The following DISP1 variants were observed in gnomAD, a reference collection of about 807,000 sequenced individuals.
DISP1 encodes the protein dispatched RND transporter family member 1, also known as protein dispatched homolog 1.
Under a neutral mutation model 37.3 loss-of-function variants are expected in DISP1, and 30 were observed. The ratio of observed to expected loss-of-function variants is 0.80; its 90% CI spans 0.60 to 1.09. The LOEUF is 1.09. Ranked by LOEUF, DISP1 falls within the 50% of genes least tolerant of loss-of-function variation. The pLI, the probability that DISP1 is intolerant of heterozygous loss-of-function variation, is 0.00. For synonymous variants in DISP1, 634 were observed against 690.2 expected (o/e 0.92, Z 1.28); for missense variants, 1,598 against 1,879.5 (o/e 0.85, Z 2.77).
At chr1:222,868,855 A>G (rs956408599) in intron 1 of DISP1, among the ~76,000 whole-genome samples, 1 of 152,160 alleles carries the variant, frequency 6.6e-6, no homozygotes, top group African/African-American at 2.4e-5. Flanking sequence ...TAATGTTAAA[A>G]ATTTCATTTA....
chr1:222,867,681 C>T (rs1255744889), intron 1 of DISP1, among the ~76,000 whole-genome samples: 1 of 152,166 alleles, frequency 6.6e-6, no homozygotes, highest in Non-Finnish European at 1.5e-5. Context: ...GTCAATGTCA[C>T]ATCAATAGTT....
chr1:222,855,342 G>C (rs556980795), intron 1 of DISP1, among the ~76,000 whole-genome samples: 2 of 152,228 alleles, frequency 1.3e-5, no homozygotes, highest in African/African-American at 4.8e-5. Flanking sequence ...TGTTAGAAAA[G>C]AAAGATTTAA....
At chr1:222,906,798 G>A (rs902953221) in intron 1 of DISP1, among the ~76,000 whole-genome samples, 4 of 152,226 alleles carry the variant, frequency 2.6e-5, no homozygotes, top group Non-Finnish European at 5.9e-5. Flanking sequence ...GCCATTCTTT[G>A]ATTCCTTAAT....
intron 1 of DISP1, among the ~76,000 whole-genome samples, chr1:222,875,017 A>G (rs1320077565): frequency 6.6e-6 from 1 of 152,184 alleles, no homozygotes; most frequent in Non-Finnish European, 1.5e-5. Flanking sequence ...AAAGGAAACT[A>G]TTAGTTTACC....
intron 1 of DISP1, among the ~76,000 whole-genome samples, chr1:222,861,025 C>A (rs1284886547): frequency 6.6e-6 from 1 of 152,080 alleles, no homozygotes; most frequent in African/African-American, 2.4e-5. Context: ...TTAATGGCAC[C>A]AGGCCACATC....
intron 2 of DISP1, among the ~76,000 whole-genome samples, chr1:222,936,954 T>TAA (rs1673945876): frequency 1.2e-5 from 1 of 81,288 alleles, no homozygotes; most frequent in Non-Finnish European, 2.5e-5. Context: ...ATATTACATA[T>TAA]TATATTATTT....
In DISP1 at chr1:223,004,960, A is replaced by G; in HGVS notation, c.3563A>G (p.Glu1188Gly). 6.2e-7 allele frequency: 1 copy of G among 1,613,860 alleles called. No homozygotes were observed. ...CCCAGGGGCCCAAAATCTGAACTGGAGCATGAGTTTTATGAATTAGAACCT... is the reference window on the plus strand; with the variant it reads ...CCCAGGGGCCCAAAATCTGAACTGGGGCATGAGTTTTATGAATTAGAACCT... ...LDPRGPKSEL[E>G]HEFYELEPLA... The change falls in exon 9 of 9, where the codon GAG becomes GGG. Residue 1188 changes from glutamate to glycine, a missense_variant. By Grantham distance (98) the Glu-to-Gly change is moderately conservative. Transcript: ENST00000675850. This position sits in a 1 kb window ranked among gnomAD's most constrained non-coding sequence, Gnocchi z 4.9.
At chr1:222,984,861 G>A (rs1678159348) in intron 4 of DISP1, among the ~76,000 whole-genome samples, 1 of 152,114 alleles carries the variant, frequency 6.6e-6, no homozygotes, top group Non-Finnish European at 1.5e-5. Context: ...ACTGCTGTAA[G>A]TACCTCGTAT....
At chr1:222,824,365 A>G (rs1295491963) in intron 1 of DISP1, among the ~76,000 whole-genome samples, 1 of 152,126 alleles carries the variant, frequency 6.6e-6, no homozygotes, top group African/African-American at 2.4e-5. Context: ...TCACTTTTGG[A>G]GAGATTAATT....
intron 1 of DISP1, among the ~76,000 whole-genome samples, chr1:222,842,904 C>G (rs1364877044): frequency 6.6e-6 from 1 of 151,856 alleles, no homozygotes; most frequent in Non-Finnish European, 1.5e-5. Flanking sequence ...AACAGTAGAT[C>G]TATTATTTTG....
chr1:222,983,200 C>A, intron 4 of DISP1, 91 bp downstream of exon 4: 1 of 996,510 alleles, frequency 1.0e-6, no homozygotes, highest in Non-Finnish European at 1.6e-6. Flanking sequence ...CTGTTCTTTT[C>A]ACTTTCCTCA....
chr1:222,909,575 G>A (rs977329523), intron 1 of DISP1, among the ~76,000 whole-genome samples: 2 of 152,156 alleles, frequency 1.3e-5, no homozygotes, highest in Non-Finnish European at 2.9e-5. Flanking sequence ...CAGTGTCAAG[G>A]AGGAACACAG....
intron 1 of DISP1, among the ~76,000 whole-genome samples, chr1:222,883,447 G>A (rs539004030): frequency 1.5e-4 from 23 of 152,122 alleles, no homozygotes; most frequent in African/African-American, 4.6e-4. Context: ...GTAAAACCGC[G>A]TCGCTACTAA....
At chr1:222,927,764 T>C (rs1227127544) in intron 1 of DISP1, among the ~76,000 whole-genome samples, 1 of 152,212 alleles carries the variant, frequency 6.6e-6, no homozygotes, top group East Asian at 1.9e-4. Context: ...TAAGAGACTT[T>C]TATGTTGTGG....
intron 1 of DISP1, among the ~76,000 whole-genome samples, chr1:222,834,513 C>G (rs1390779712): frequency 6.6e-5 from 10 of 152,116 alleles, no homozygotes; most frequent in African/African-American, 1.4e-4. Flanking sequence ...GAAAGATGAT[C>G]TAGACCATAA....
At chr1:222,936,906 A>T (rs867775671) in intron 2 of DISP1, among the ~76,000 whole-genome samples, 54 of 52,688 alleles carry the variant, frequency 1.0e-3, no homozygotes, top group South Asian at 6.1e-3. Flanking sequence ...ATTTATATAT[A>T]ATATATTATA....
intron 7 of DISP1, among the ~76,000 whole-genome samples, chr1:222,994,003 T>G (rs1261411766): frequency 6.6e-6 from 1 of 152,238 alleles, no homozygotes; most frequent in East Asian, 1.9e-4. Context: ...TTAGACATTT[T>G]AACTATCATA....
intron 3 of DISP1, among the ~76,000 whole-genome samples, chr1:222,951,716 G>A (rs1447484907): frequency 6.6e-6 from 1 of 152,232 alleles, no homozygotes; most frequent in African/African-American, 2.4e-5. Flanking sequence ...TGAGTACTTA[G>A]TAAGTGTTAG....
intron 2 of DISP1, among the ~76,000 whole-genome samples, chr1:222,929,997 CTGAAA>C (rs1303016406): frequency 2.6e-5 from 4 of 152,076 alleles, no homozygotes; most frequent in African/African-American, 9.7e-5. Context: ...TTTTAAGTGT[CTGAAA>C]TGATTGACCT....
Sources: gnomAD v4.1 joint callset for allele counts (sites outside exome capture counted in the v4.1 genomes callset) on GRCh38, gnomAD v4.1.1 for gene constraint, Gnocchi (gnomAD v3.1) non-coding constraint, MANE v1.5 for transcripts, NCBI Gene and HGNC (gene_info 2026-07-23, HGNC 2026-07-21) for gene names.